TBC1D1: variants seen among roughly 807,000 people sequenced by gnomAD.
TBC1D1 encodes the protein TBC1 (tre-2/USP6, BUB2, cdc16) domain family, member 1.
A neutral mutation model predicts 125.6 loss-of-function variants in TBC1D1; 89 were observed. The observed-to-expected ratio is 0.71, with a 90% CI of 0.60 to 0.85. The LOEUF (loss-of-function observed/expected upper bound fraction) is 0.85. Among genes scored for constraint, TBC1D1 ranks in the 40% least tolerant of loss-of-function variants. The pLI is 0.00. For missense variants in TBC1D1, 1,377 were observed against 1,469.2 expected (o/e 0.94, Z 1.03); for synonymous variants, 565 against 564.1 (o/e 1.00, Z -0.02).
At chr4:38,096,565 T>TGTGG (rs1759376035) in intron 14 of TBC1D1, among the ~76,000 whole-genome samples, 1 of 152,188 alleles carries the variant, frequency 6.6e-6, no homozygotes, top group African/African-American at 2.4e-5. Context: ...AAGTGTAAGA[T>TGTGG]GTGGGTGCTG....
At chr4:37,962,087 C>A (rs1400041626) in intron 2 of TBC1D1, among the ~76,000 whole-genome samples, 1 of 152,198 alleles carries the variant, frequency 6.6e-6, no homozygotes, top group African/African-American at 2.4e-5. Context: ...AGGGCAGGGA[C>A]CATCTCTGTT....
At chr4:38,127,953 A>G (rs1232277507) in intron 18 of TBC1D1, among the ~76,000 whole-genome samples, 1 of 152,072 alleles carries the variant, frequency 6.6e-6, no homozygotes, top group Admixed American at 6.6e-5. Context: ...TGCGACAGCT[A>G]CTCACCTCGG....
At chr4:38,013,314 T>C (rs1741931092) in intron 2 of TBC1D1, among the ~76,000 whole-genome samples, 1 of 152,222 alleles carries the variant, frequency 6.6e-6, no homozygotes, top group African/African-American at 2.4e-5. Context: ...GAACACTGAA[T>C]ATAAGGATAC....
At chr4:38,120,066 C>T in intron 17 of TBC1D1, 6 of 985,334 alleles carry the variant, frequency 6.1e-6, no homozygotes, top group South Asian at 9.4e-5. Context: ...CTCTCTGAAG[C>T]TCACTCTAAT....
intron 19 of TBC1D1, among the ~76,000 whole-genome samples, chr4:38,135,864 G>GTATA (rs3038258): frequency 7.7e-4 from 115 of 149,906 alleles, no homozygotes; most frequent in Middle Eastern, 3.4e-3. Context: ...ATGTGTGTGT[G>GTATA]TATATATATG....
chr4:38,014,466 C>A lies in TBC1D1; in HGVS notation c.418-43C>A. The A allele has an allele frequency of 6.3e-7, 1 of 1,578,224 alleles. No individual in the cohort carries two copies. The highest frequency in any genetic ancestry group is 1.1e-5 in the South Asian group (1 of 88,952). ...GGTGCATTCATTCCGTGAGTGCCAG[C>A]CACACTGCATGTTCCAAATAACACG... On this transcript the variant is annotated intron_variant, in intron 2 of 19. Coordinates refer to ENST00000261439, the MANE Select transcript of TBC1D1 (RefSeq NM_015173.4). This position sits in a 1 kb window ranked among gnomAD's most constrained non-coding sequence, Gnocchi z 5.1.
chr4:38,135,872 A>ATATGTG (rs1553861668), intron 19 of TBC1D1, among the ~76,000 whole-genome samples: 1,427 of 129,428 alleles, frequency 0.011, 22 homozygotes, highest in African/African-American at 0.034. Flanking sequence ...GTGTATATAT[A>ATATGTG]TGTGTGTGTG....
At chr4:38,074,286 G>A (rs1028440039) in intron 12 of TBC1D1, among the ~76,000 whole-genome samples, 4 of 152,144 alleles carry the variant, frequency 2.6e-5, no homozygotes, top group Admixed American at 2.6e-4. Flanking sequence ...ACCAAAGACT[G>A]GGAATCATTG....
At chr4:37,929,502 C>T (rs1395866005) in intron 2 of TBC1D1, among the ~76,000 whole-genome samples, 2 of 152,150 alleles carry the variant, frequency 1.3e-5, no homozygotes, top group South Asian at 4.1e-4. Flanking sequence ...TTAACCCGTG[C>T]CCCCAGGTGA....
intron 1 of TBC1D1, among the ~76,000 whole-genome samples, chr4:37,892,064 A>G (rs1415819147): frequency 6.6e-6 from 1 of 152,190 alleles, no homozygotes; most frequent in Non-Finnish European, 1.5e-5. Flanking sequence ...TCCTTCCACC[A>G]AACAGTTTAA....
chr4:38,027,646 AT>A (rs2152445735), intron 6 of TBC1D1, 141 bp from the exon 7 acceptor site: 3 of 509,160 alleles, frequency 5.9e-6, no homozygotes, highest in Non-Finnish European at 7.0e-6. Context: ...AAAAAAAAAA[AT>A]AAAATATTTT....
rs1751027592 is a variant in TBC1D1 at position 38,052,963 on chromosome 4, T to A, written c.1911-1236T>A. On this transcript the variant is annotated intron_variant, in intron 11 of 19. Coordinates refer to ENST00000261439, the MANE Select transcript of TBC1D1 (RefSeq NM_015173.4). Reference sequence around the variant, plus strand: ...GGTGAAAATGAAAATTAAATCTCATTCGTGAACTACTTTTAATTTCTTACC... The same window carrying A: ...GGTGAAAATGAAAATTAAATCTCATACGTGAACTACTTTTAATTTCTTACC... The A allele has an allele frequency of 1.0e-5, 5 of 493,462 alleles. No individual in the cohort carries two copies. The East Asian group carries it at 1.9e-4, about 18-fold the overall frequency. 30.6% of individuals were successfully genotyped at this position (493,462 alleles called of 1,614,324 possible). A position where few individuals can be genotyped will look rare whatever the true frequency, so the allele number is the denominator to read the frequency against.
chr4:38,075,871 C>T lies in TBC1D1; in HGVS notation c.2051-14061C>T, dbSNP rs374162425. ...CTTTGACAGTCACCTGTACATGCCT[C>T]TGGGACCTTTCCTCCTCCTTTCTCT... is the stretch of plus-strand genomic sequence containing the variant. On this transcript the variant is annotated intron_variant, in intron 12 of 19. Coordinates refer to ENST00000261439, the MANE Select transcript of TBC1D1 (RefSeq NM_015173.4). Among the ~76,000 whole-genome samples, 6 of 152,336 alleles carry T rather than the reference C, an allele frequency of 3.9e-5. No individual in the cohort carries two copies. The East Asian group carries it at 9.6e-4, about 24-fold the overall frequency.
chr4:38,015,007 T>C (rs1328501795), intron 3 of TBC1D1, 34 bp downstream of exon 3: 1 of 1,495,652 alleles, frequency 6.7e-7, no homozygotes, highest in African/African-American at 1.4e-5. Flanking sequence ...ACAGCCCCAG[T>C]CTGCCATACG....
chr4:37,917,824 A>G (rs1468650784), intron 2 of TBC1D1, among the ~76,000 whole-genome samples: 3 of 152,066 alleles, frequency 2.0e-5, no homozygotes, highest in South Asian at 2.1e-4. Context: ...GATTTTTCCA[A>G]TTTTCCCCCT....
At chr4:38,094,749 C>A (rs762811968) in intron 13 of TBC1D1, among the ~76,000 whole-genome samples, 7 of 152,092 alleles carry the variant, frequency 4.6e-5, no homozygotes, top group Non-Finnish European at 1.0e-4. Context: ...GCCAGAGGAA[C>A]GTACGTTGGC....
intron 2 of TBC1D1, among the ~76,000 whole-genome samples, chr4:37,920,029 C>G (rs982553559): frequency 6.6e-6 from 1 of 152,154 alleles, no homozygotes; most frequent in Non-Finnish European, 1.5e-5. Flanking sequence ...AGGAGAATGG[C>G]GTGAACCGGT....
intron 9 of TBC1D1, among the ~76,000 whole-genome samples, chr4:38,045,486 T>G (rs992693847): frequency 6.6e-6 from 1 of 152,224 alleles, no homozygotes; most frequent in African/African-American, 2.4e-5. Context: ...CTGGCCGTTA[T>G]GATGACTTGT....
chr4:37,910,019 A>G (rs1718247061), intron 2 of TBC1D1, among the ~76,000 whole-genome samples: 1 of 152,176 alleles, frequency 6.6e-6, no homozygotes. Flanking sequence ...TTAACACCAG[A>G]TTGATTACCT....
Sources: gnomAD v4.1 joint callset for allele counts (sites outside exome capture counted in the v4.1 genomes callset) on GRCh38, gnomAD v4.1.1 for gene constraint, Gnocchi (gnomAD v3.1) non-coding constraint, MANE v1.5 for transcripts, NCBI Gene and HGNC (gene_info 2026-07-23, HGNC 2026-07-21) for gene names.